The following VPS13D variants were observed in gnomAD, a reference collection of about 807,000 sequenced individuals.
VPS13D encodes intermembrane lipid transfer protein VPS13D.
In VPS13D, 187 loss-of-function variants were observed where a neutral mutation model predicts 461.9. The ratio of observed to expected loss-of-function variants is 0.40; its 90% CI spans 0.36 to 0.46. VPS13D has a LOEUF of 0.46. VPS13D is among the 20% of genes least tolerant of loss of function. The pLI is 0.60. For synonymous variants in VPS13D, 1,951 were observed against 1,986.3 expected, an observed-to-expected ratio of 0.98 and a Z score of 0.47; for missense variants, 4,711 against 5,364.9, an observed-to-expected ratio of 0.88 and a Z score of 3.81.
chr1:12,259,611 G>A (rs1174361684), intron 10 of VPS13D, among the ~76,000 whole-genome samples: 3 of 152,014 alleles, frequency 2.0e-5, no homozygotes, highest in Non-Finnish European at 4.4e-5. Flanking sequence ...GCCCTTGGAT[G>A]ATTTTCTTAA....
intron 60 of VPS13D, among the ~76,000 whole-genome samples, chr1:12,392,942 G>A (rs141257977): frequency 0.01 from 1,573 of 152,262 alleles, 30 homozygotes; most frequent in African/African-American, 0.036. Flanking sequence ...TAAATGGGCC[G>A]GAGTAATACA....
chr1:12,320,909 G>A (rs1643017851), intron 32 of VPS13D, among the ~76,000 whole-genome samples: 1 of 152,144 alleles, frequency 6.6e-6, no homozygotes, highest in Non-Finnish European at 1.5e-5. Context: ...AAATCATCAG[G>A]GGAGAATTTA....
At chr1:12,333,708 A>G (rs1440626471) in intron 38 of VPS13D, among the ~76,000 whole-genome samples, 6 of 152,256 alleles carry the variant, frequency 3.9e-5, no homozygotes, top group Admixed American at 1.3e-4. Context: ...CTATTCACGG[A>G]CTAATTCTTA....
Position 12,356,399 on chromosome 1 carries a change from G to T in VPS13D, c.9873G>T (p.Gly3291=), listed in dbSNP as rs770505963. The T allele has an allele frequency of 9.9e-6, 16 of 1,613,184 alleles. No homozygotes were observed. The highest frequency in any genetic ancestry group is 1.4e-5 in the Non-Finnish European group (16 of 1,179,708). ...SAPYWLINKT[G]LPLIFRQDNA... is the part of the protein sequence containing the mutation. Reference sequence around the variant, plus strand: ...TAAACTTTTCTCTCCTTCCTAAAGGGTTGCCACTGATCTTCAGACAGGACA... The same window carrying T: ...TAAACTTTTCTCTCCTTCCTAAAGGTTTGCCACTGATCTTCAGACAGGACA... The change falls in exon 49 of 70, where the codon GGG becomes GGT. Residue 3291 remains glycine (G), a splice_region_variant and synonymous_variant. Transcript: ENST00000620676.
At chr1:12,399,620 G>A (rs1644547190) in intron 60 of VPS13D, among the ~76,000 whole-genome samples, 1 of 151,748 alleles carries the variant, frequency 6.6e-6, no homozygotes, top group Admixed American at 6.6e-5. Flanking sequence ...AGGAGTTCAA[G>A]ACCAACCTGA....
rs181169527 is a variant in VPS13D, at chr1:12,318,919, A to G, written c.7415-578A>G. Among the ~76,000 whole-genome samples the G allele has an allele frequency of 5.5e-3, 842 of 152,332 alleles. 31 individuals carry two copies. The highest frequency in any genetic ancestry group is 0.053 in the Admixed American group (805 of 15,290). ...AGCTGGCTAGCACAATGCGTTTTAC[A>G]TGAGTTCAGTTACAAGCTTGATCTG... On this transcript the variant is annotated intron_variant, in intron 31 of 69. Transcript: ENST00000620676.
At position 12,234,329 on chromosome 1, in the gene VPS13D, G is replaced by A; in HGVS notation, c.63G>A (p.Leu21=). The A allele has an allele frequency of 6.2e-7, 1 of 1,614,062 alleles. No individual in the cohort carries two copies. The highest frequency in any genetic ancestry group is 1.3e-5 in the African/African-American group (1 of 75,042). Residue 21 remains leucine (L), a synonymous_variant, in exon 2 of 70, where the codon CTG becomes CTA. Coordinates refer to ENST00000620676, the MANE Select transcript of VPS13D (RefSeq NM_015378.4). ...NTYLGKYVNN[L]NTDQLSVALL... ...ATTTGGGAAAATATGTCAATAACCT[G>A]AACACTGACCAGCTCTCAGTTGCAC... is the stretch of plus-strand genomic sequence containing the variant.
At chr1:12,345,034 T>G (rs1643645018) in intron 42 of VPS13D, 1 of 194,746 alleles carries the variant, frequency 5.1e-6, no homozygotes, top group Non-Finnish European at 1.1e-5. Context: ...ATTAAATCGC[T>G]ACTGCATTTT....
At chr1:12,310,979 C>T (rs944055600) in intron 27 of VPS13D, among the ~76,000 whole-genome samples, 7 of 151,952 alleles carry the variant, frequency 4.6e-5, no homozygotes, top group East Asian at 1.9e-4. Flanking sequence ...TACAGTGGCA[C>T]GATCACAGCT....
intron 65 of VPS13D, among the ~76,000 whole-genome samples, chr1:12,444,938 A>G (rs1295840715): frequency 2.6e-5 from 4 of 152,186 alleles, no homozygotes; most frequent in Non-Finnish European, 4.4e-5. Context: ...ATTTTCCCCC[A>G]TGCATACCTC....
chr1:12,257,869 C>T (rs1640969434), intron 9 of VPS13D, 66 bp from the exon 10 acceptor site: 1 of 1,586,958 alleles, frequency 6.3e-7, no homozygotes, highest in Non-Finnish European at 8.6e-7. Context: ...GTGGATTGTC[C>T]TGGATTGGTA....
chr1:12,323,808 T>C (rs1643107931), intron 35 of VPS13D, 28 bp downstream of exon 35: 1 of 1,606,016 alleles, frequency 6.2e-7, no homozygotes, highest in Non-Finnish European at 8.5e-7. Context: ...CTGTTACCCG[T>C]TGTTTATCTT....
chr1:12,424,279 A>G (rs1220114940), intron 65 of VPS13D, among the ~76,000 whole-genome samples: 1 of 152,214 alleles, frequency 6.6e-6, no homozygotes, highest in Non-Finnish European at 1.5e-5. Flanking sequence ...GAGTTGTTGT[A>G]CATAGGGAAA....
At chr1:12,482,748 ATATATGTATACATAG>A (rs1158998071) in intron 67 of VPS13D, among the ~76,000 whole-genome samples, 1 of 145,118 alleles carries the variant, frequency 6.9e-6, no homozygotes, top group African/African-American at 2.7e-5. Context: ...ACTAGTATAC[ATATATGTATACATAG>A]TATACATATA....
intron 65 of VPS13D, among the ~76,000 whole-genome samples, chr1:12,426,136 A>T (rs1415504053): frequency 6.6e-6 from 1 of 152,206 alleles, no homozygotes; most frequent in Non-Finnish European, 1.5e-5. Context: ...ATTTTTCTTC[A>T]TTCAAATAGA....
chr1:12,491,938 C>T (rs578214154), intron 67 of VPS13D, among the ~76,000 whole-genome samples: 6 of 152,344 alleles, frequency 3.9e-5, no homozygotes, highest in African/African-American at 1.4e-4. Flanking sequence ...TTTGGCCAAA[C>T]AAAGGTTTGT....
chr1:12,405,141 C>T (rs1644635208), intron 63 of VPS13D, among the ~76,000 whole-genome samples: 4 of 152,226 alleles, frequency 2.6e-5, no homozygotes, highest in Admixed American at 2.6e-4. Context: ...GGTGTCGTGT[C>T]TGCCCAACCA....
At chr1:12,242,740 T>C in intron 3 of VPS13D, 150 bp downstream of exon 3, 1 of 681,582 alleles carries the variant, frequency 1.5e-6, no homozygotes, top group East Asian at 2.8e-5. Flanking sequence ...AGTGTGGTCT[T>C]TGGGCCACTC....
chr1:12,258,597 G>A lies in VPS13D; in HGVS notation c.1110+494G>A, dbSNP rs567600404. On this transcript the variant is annotated intron_variant, in intron 10 of 69. Coordinates refer to ENST00000620676, the MANE Select transcript of VPS13D (RefSeq NM_015378.4). ...GTTTTAGTTAATAGTAGGGCTAAAGGCCCTTAGAATGCCCCCTCCTGGAGC... is the reference window on the plus strand; with the variant it reads ...GTTTTAGTTAATAGTAGGGCTAAAGACCCTTAGAATGCCCCCTCCTGGAGC... 2.0e-5 allele frequency among the ~76,000 whole-genome samples: 3 copies of A among 152,320 alleles called. 1 individual carries two copies. Among genetic ancestry groups the A allele is most frequent in the African/African-American group, 7.2e-5 (3 of 41,582 alleles).
Sources: gnomAD v4.1 joint callset for allele counts (sites outside exome capture counted in the v4.1 genomes callset) on GRCh38, gnomAD v4.1.1 for gene constraint, MANE v1.5 for transcripts, NCBI Gene and HGNC (gene_info 2026-07-23, HGNC 2026-07-21) for gene names.